GFRAL: variants seen among roughly 807,000 people sequenced by gnomAD.
GFRAL encodes the protein GDNF family receptor alpha like, also known as GDNF family receptor alpha-like.
In GFRAL, 36 loss-of-function variants were observed where a neutral mutation model predicts 45.4. The observed-to-expected ratio is 0.79, with a 90% CI of 0.61 to 1.05. GFRAL has a LOEUF of 1.05. GFRAL is among the 50% of genes least tolerant of loss of function. The pLI is 0.00. For missense variants in GFRAL, 507 were observed against 467.5 expected, an observed-to-expected ratio of 1.08 and a Z score of -0.78; for synonymous variants, 166 against 154.1, an observed-to-expected ratio of 1.08 and a Z score of -0.57.
intron 6 of GFRAL, among the ~76,000 whole-genome samples, chr6:55,395,172 A>AT (rs201388055): frequency 0.064 from 7,970 of 123,586 alleles, 331 homozygotes; most frequent in Non-Finnish European, 0.098. Flanking sequence ...GAAAAAAAAA[A>AT]AAAATATATA....
At chr6:55,397,486 C>A (rs1768842227) in intron 6 of GFRAL, among the ~76,000 whole-genome samples, 1 of 126,478 alleles carries the variant, frequency 7.9e-6, no homozygotes, top group Non-Finnish European at 1.6e-5. Context: ...CCACTGCAGT[C>A]CGCAGTCCGG....
In GFRAL at chr6:55,331,717, A is replaced by G; in HGVS notation, c.25A>G (p.Met9Val). Residue 9 changes from methionine (M) to valine (V), a missense_variant and splice_region_variant, in exon 2 of 9, where the codon ATG (methionine) becomes GTG (valine). By Grantham distance (21) the Met-to-Val change is conservative (BLOSUM62 1). Transcript: ENST00000340465. The part of the protein sequence containing the change: MIVFIFLA[M>V]GLSLENEYTS... ...TGTTTTTGTTGTTGTTATTCAAGCTATGGGGTTAAGCTTGGAAAATGAATA... is the reference window on the plus strand; with the variant it reads ...TGTTTTTGTTGTTGTTATTCAAGCTGTGGGGTTAAGCTTGGAAAATGAATA... The G allele has an allele frequency of 6.2e-7, 1 of 1,605,150 alleles. No homozygotes were observed. The highest frequency in any genetic ancestry group is 8.5e-7 in the Non-Finnish European group (1 of 1,177,060).
chr6:55,362,223 T>G (rs1768284623), intron 6 of GFRAL, among the ~76,000 whole-genome samples: 1 of 150,814 alleles, frequency 6.6e-6, no homozygotes, highest in South Asian at 2.1e-4. Context: ...GTCATGACCC[T>G]GGCTGGTTGA....
At chr6:55,352,889 G>A (rs1440768821) in intron 5 of GFRAL, among the ~76,000 whole-genome samples, 2 of 151,850 alleles carry the variant, frequency 1.3e-5, no homozygotes, top group African/African-American at 4.8e-5. Flanking sequence ...AGGCAATGGC[G>A]AATAAGGAAA....
At chr6:55,400,331 C>T (rs1768880204) in intron 8 of GFRAL, among the ~76,000 whole-genome samples, 1 of 152,050 alleles carries the variant, frequency 6.6e-6, no homozygotes, top group Admixed American at 6.5e-5. Context: ...ATTGGGCCTT[C>T]AGAGGAACAG....
intron 3 of GFRAL, among the ~76,000 whole-genome samples, chr6:55,342,783 T>C (rs557062380): frequency 9.9e-5 from 15 of 152,082 alleles, no homozygotes; most frequent in Non-Finnish European, 2.1e-4. Context: ...AGGAGACCCA[T>C]CTCACGTGCA....
chr6:55,337,433 A>T (rs941928706), intron 3 of GFRAL, among the ~76,000 whole-genome samples: 1 of 152,168 alleles, frequency 6.6e-6, no homozygotes, highest in African/African-American at 2.4e-5. Flanking sequence ...ATCAACTGGG[A>T]AGTATTTCCT....
At chr6:55,392,244 C>T (rs1768762715) in intron 6 of GFRAL, among the ~76,000 whole-genome samples, 1 of 152,292 alleles carries the variant, frequency 6.6e-6, no homozygotes, top group Middle Eastern at 3.4e-3. Context: ...GCTTTATTTA[C>T]ATTTTTCCCC....
chr6:55,327,902 A>G (rs1430023022), intron 1 of GFRAL, among the ~76,000 whole-genome samples: 1 of 152,036 alleles, frequency 6.6e-6, no homozygotes, highest in East Asian at 1.9e-4. Context: ...ACCTTTTAGA[A>G]ATAAAAATAA....
intron 6 of GFRAL, among the ~76,000 whole-genome samples, chr6:55,384,106 A>G (rs1174493156): frequency 6.6e-6 from 1 of 152,010 alleles, no homozygotes; most frequent in Non-Finnish European, 1.5e-5. Context: ...GGAACATCAC[A>G]CACTGGGGCC....
At chr6:55,328,001 AT>A (rs1767787035) in intron 1 of GFRAL, among the ~76,000 whole-genome samples, 1 of 152,046 alleles carries the variant, frequency 6.6e-6, no homozygotes, top group South Asian at 2.1e-4. Context: ...TTAAACAAAA[AT>A]AAGATTAATT....
At chr6:55,339,018 A>AGCCAT (rs1767926688) in intron 3 of GFRAL, among the ~76,000 whole-genome samples, 1 of 152,204 alleles carries the variant, frequency 6.6e-6, no homozygotes, top group Non-Finnish European at 1.5e-5. Flanking sequence ...TCAGTTAAAA[A>AGCCAT]GCCATCAAAA....
At chr6:55,360,286 A>T (rs975114994) in intron 6 of GFRAL, among the ~76,000 whole-genome samples, 1 of 151,970 alleles carries the variant, frequency 6.6e-6, no homozygotes, top group Admixed American at 6.6e-5. Flanking sequence ...TGTAACTACC[A>T]TATCTGCAGG....
chr6:55,402,231 C>T lies in GFRAL; in HGVS notation c.*378C>T, dbSNP rs937618612. The T allele has an allele frequency of 1.9e-5, 3 of 160,402 alleles. No homozygotes were observed. The highest frequency in any genetic ancestry group is 3.7e-4 in the East Asian group (2 of 5,400). The allele number at this position is 160,402 out of a possible 1,614,324, so 9.9% of individuals were successfully genotyped here. On this transcript the variant is annotated 3_prime_UTR_variant, in exon 9 of 9. Coordinates refer to ENST00000340465, the MANE Select transcript of GFRAL (RefSeq NM_207410.2). ...CTGACCTCAGGTGATCCACCCACCT[C>T]GGCCTCCCAAAGTGCTGGGATTACA... is the stretch of plus-strand genomic sequence containing the variant.
chr6:55,361,757 G>T (rs573740896), intron 6 of GFRAL, among the ~76,000 whole-genome samples: 1 of 151,874 alleles, frequency 6.6e-6, no homozygotes, highest in African/African-American at 2.4e-5. Flanking sequence ...TCATTGCCCC[G>T]ACTTCTCACA....
chr6:55,345,216 A>T (rs1480216678), intron 3 of GFRAL, among the ~76,000 whole-genome samples: 7 of 152,224 alleles, frequency 4.6e-5, no homozygotes, highest in Non-Finnish European at 8.8e-5. Flanking sequence ...ATGGAACCAA[A>T]AAAGGGCCCG....
At chr6:55,335,233 AT>A (rs1300773102) in intron 3 of GFRAL, among the ~76,000 whole-genome samples, 1 of 152,078 alleles carries the variant, frequency 6.6e-6, no homozygotes, top group Non-Finnish European at 1.5e-5. Flanking sequence ...TGTTAAGCAT[AT>A]TTTTATATGT....
chr6:55,396,878 T>A (rs1768832184), intron 6 of GFRAL, among the ~76,000 whole-genome samples: 1 of 137,304 alleles, frequency 7.3e-6, no homozygotes, highest in African/African-American at 2.5e-5. Flanking sequence ...GGGGGAAGCT[T>A]TTTTTTTTTT....
chr6:55,369,833 T>C (rs1023323088), intron 6 of GFRAL, among the ~76,000 whole-genome samples: 1 of 152,220 alleles, frequency 6.6e-6, no homozygotes, highest in African/African-American at 2.4e-5. Context: ...CCTACTCCTG[T>C]ACTGTGCTTA....
Sources: gnomAD v4.1 joint callset for allele counts (sites outside exome capture counted in the v4.1 genomes callset) on GRCh38, gnomAD v4.1.1 for gene constraint, MANE v1.5 for transcripts, NCBI Gene and HGNC (gene_info 2026-07-23, HGNC 2026-07-21) for gene names.